CHST11: variants seen among roughly 807,000 people sequenced by gnomAD.
CHST11 encodes C4S-1.
In CHST11, 9 loss-of-function variants were observed where a neutral mutation model predicts 30.4. That is an observed-to-expected ratio of 0.30 (90% CI 0.18 to 0.52). The LOEUF (loss-of-function observed/expected upper bound fraction) is 0.52. CHST11 is among the 20% of genes least tolerant of loss of function. The pLI is 0.97. For synonymous variants in CHST11, 152 were observed against 187.8 expected (o/e 0.81, Z 1.56); for missense variants, 348 against 460.6 (o/e 0.76, Z 2.24).
At chr12:104,731,060 C>A (rs918631904) in intron 2 of CHST11, among the ~76,000 whole-genome samples, 2 of 152,250 alleles carry the variant, frequency 1.3e-5, no homozygotes, top group African/African-American at 4.8e-5. Context: ...CTGTCTTCCT[C>A]AGGCCAGTCC....
chr12:104,559,324 C>T (rs1057395570), intron 1 of CHST11, among the ~76,000 whole-genome samples: 1 of 152,240 alleles, frequency 6.6e-6, no homozygotes, highest in African/African-American at 2.4e-5. Context: ...CCATTCACTT[C>T]TCAAGTACTT....
intron 2 of CHST11, among the ~76,000 whole-genome samples, chr12:104,745,422 C>T (rs1359721942): frequency 1.3e-5 from 2 of 152,144 alleles, no homozygotes; most frequent in Non-Finnish European, 1.5e-5. Flanking sequence ...GCTATTCGGG[C>T]TCTTTTTTGG....
At chr12:104,586,741 C>A (rs776862174) in intron 1 of CHST11, among the ~76,000 whole-genome samples, 10 of 152,334 alleles carry the variant, frequency 6.6e-5, no homozygotes, top group Non-Finnish European at 1.5e-4. Flanking sequence ...GGGGAACATT[C>A]TTCAGCAGGC....
intron 2 of CHST11, among the ~76,000 whole-genome samples, chr12:104,723,571 G>A (rs986180809): frequency 6.6e-6 from 1 of 152,174 alleles, no homozygotes; most frequent in African/African-American, 2.4e-5. Context: ...ATCTGCCTCT[G>A]GCTTCTTTAT....
intron 2 of CHST11, among the ~76,000 whole-genome samples, chr12:104,724,428 T>G (rs919064493): frequency 2.0e-5 from 3 of 152,096 alleles, no homozygotes; most frequent in African/African-American, 7.2e-5. Context: ...GCCACTGAAC[T>G]GGAAGGAGAA....
intron 2 of CHST11, among the ~76,000 whole-genome samples, chr12:104,740,453 A>C (rs1290223341): frequency 1.3e-5 from 2 of 152,156 alleles, no homozygotes; most frequent in Non-Finnish European, 2.9e-5. Context: ...ATAGAAGGAG[A>C]AAATCCCTCT....
intron 1 of CHST11, among the ~76,000 whole-genome samples, chr12:104,475,294 A>G (rs1272078790): frequency 6.6e-6 from 1 of 152,122 alleles, no homozygotes; most frequent in Non-Finnish European, 1.5e-5. Context: ...CAATTTAGCA[A>G]GTGGTGACAG....
chr12:104,499,923 C>T (rs2037836476), intron 1 of CHST11, among the ~76,000 whole-genome samples: 2 of 152,206 alleles, frequency 1.3e-5, no homozygotes, highest in African/African-American at 4.8e-5. Context: ...GGAAGTGCTC[C>T]ATCAGTATTT....
chr12:104,459,323 G>T (rs574986395), intron 1 of CHST11, among the ~76,000 whole-genome samples: 4 of 152,138 alleles, frequency 2.6e-5, no homozygotes, highest in Non-Finnish European at 5.9e-5. Flanking sequence ...ACCCCAGAGC[G>T]CCAGGGGACT....
intron 1 of CHST11, among the ~76,000 whole-genome samples, chr12:104,539,804 G>A (rs1164425197): frequency 6.6e-6 from 1 of 152,074 alleles, no homozygotes; most frequent in Non-Finnish European, 1.5e-5. Context: ...AATCTACAAT[G>A]CTCAAGTCCC....
intron 2 of CHST11, among the ~76,000 whole-genome samples, chr12:104,756,553 G>GTGTGTGTGTA (rs1555250390): frequency 7.9e-5 from 12 of 151,782 alleles, no homozygotes; most frequent in African/African-American, 2.2e-4. Context: ...GTGTGTGTGT[G>GTGTGTGTGTA]TGTGTGTGTT....
At chr12:104,694,561 C>T (rs767614619) in intron 2 of CHST11, among the ~76,000 whole-genome samples, 31 of 152,128 alleles carry the variant, frequency 2.0e-4, no homozygotes, top group Admixed American at 1.8e-3. Flanking sequence ...CCTGTTTTGA[C>T]GCTGCATTAG....
intron 2 of CHST11, among the ~76,000 whole-genome samples, chr12:104,755,157 T>C (rs976463298): frequency 1.3e-5 from 2 of 152,188 alleles, no homozygotes; most frequent in African/African-American, 4.8e-5. Flanking sequence ...GTAAAAATTG[T>C]GCAGATTGAG....
chr12:104,644,350 G>T (rs2039406689), intron 2 of CHST11, among the ~76,000 whole-genome samples: 1 of 152,140 alleles, frequency 6.6e-6, no homozygotes. Flanking sequence ...CCTCCCTACT[G>T]ATGTCTTTCC....
At chr12:104,579,415 T>C (rs1447503008) in intron 1 of CHST11, among the ~76,000 whole-genome samples, 1 of 152,198 alleles carries the variant, frequency 6.6e-6, no homozygotes. Context: ...ATGCCAGCGA[T>C]TGATCTTGTG....
At chr12:104,485,449 G>A (rs1200401933) in intron 1 of CHST11, among the ~76,000 whole-genome samples, 3 of 152,204 alleles carry the variant, frequency 2.0e-5, no homozygotes, top group Non-Finnish European at 4.4e-5. Context: ...AGGGAGCGGG[G>A]CTCGGAGGAG....
intron 1 of CHST11, among the ~76,000 whole-genome samples, chr12:104,504,765 A>T (rs138469037): frequency 0.028 from 4,330 of 152,190 alleles, 79 homozygotes; most frequent in South Asian, 0.084. Context: ...CAGGAGTTGG[A>T]GACCAGCCTG....
Position 104,488,491 on chromosome 12 carries a change from GTA to G in CHST11, c.118+30964_118+30965del, listed in dbSNP as rs554086952. 7.2e-5 allele frequency among the ~76,000 whole-genome samples: 11 copies of G among 152,026 alleles called. No homozygotes were observed. In the East Asian group the frequency reaches 1.7e-3, roughly 24 times the overall value. On this transcript the variant is annotated intron_variant, in intron 1 of 2. Coordinates refer to ENST00000303694, the MANE Select transcript of CHST11 (RefSeq NM_018413.6). The stretch of plus-strand genomic sequence containing the variant: ...TGTGTATGCATGTGTATGAGTGTGT[GTA>G]TGTGTGTCCGTGTATATGTGTGTGT...
At chr12:104,649,797 G>A (rs1206710075) in intron 2 of CHST11, among the ~76,000 whole-genome samples, 1 of 152,254 alleles carries the variant, frequency 6.6e-6, no homozygotes, top group Non-Finnish European at 1.5e-5. Flanking sequence ...AAGATCCCTT[G>A]AAATAATGGG....
Sources: gnomAD v4.1 joint callset for allele counts (sites outside exome capture counted in the v4.1 genomes callset) on GRCh38, gnomAD v4.1.1 for gene constraint, MANE v1.5 for transcripts, NCBI Gene and HGNC (gene_info 2026-07-23, HGNC 2026-07-21) for gene names.